Variants in PTPRM observed in about 807,000 individuals in gnomAD.
The protein encoded by PTPRM is protein tyrosine phosphatase receptor type M, also known as receptor-type tyrosine-protein phosphatase mu.
A neutral mutation model predicts 186.7 loss-of-function variants in PTPRM; 47 were observed. The ratio of observed to expected loss-of-function variants is 0.25; its 90% CI spans 0.20 to 0.32. The LOEUF (loss-of-function observed/expected upper bound fraction) is 0.32, where lower values mean the gene tolerates loss of function less well. Among genes scored for constraint, PTPRM ranks in the 10% least tolerant of loss-of-function variants. The pLI is 1.00. For synonymous variants in PTPRM, 668 were observed against 674.9 expected (o/e 0.99, Z 0.16); for missense variants, 1,494 against 1,865.0 (o/e 0.80, Z 3.66).
intron 1 of PTPRM, among the ~76,000 whole-genome samples, chr18:7,666,583 C>G (rs886360676): frequency 1.6e-4 from 24 of 152,312 alleles, no homozygotes; most frequent in African/African-American, 5.8e-4. Context: ...AATTCCACCT[C>G]CAACAGTTCT....
intron 22 of PTPRM, among the ~76,000 whole-genome samples, chr18:8,325,441 G>A (rs1041509824): frequency 2.6e-5 from 4 of 152,088 alleles, no homozygotes; most frequent in Admixed American, 2.0e-4. Flanking sequence ...CCTGCGATTG[G>A]TCAGTTAGGA....
At chr18:8,358,137 C>A (rs911650502) in intron 23 of PTPRM, among the ~76,000 whole-genome samples, 48 of 150,816 alleles carry the variant, frequency 3.2e-4, no homozygotes, top group Non-Finnish European at 6.3e-4. Context: ...CTATTCCCCC[C>A]CCCACACACA....
rs3744985 is a variant in PTPRM, at chr18:8,351,847, A to G, written c.3054+8327A>G. 4.1e-4 allele frequency among the ~76,000 whole-genome samples: 63 copies of G among 152,336 alleles called. 2 individuals carry two copies. The East Asian group carries it at 0.011, about 28-fold the overall frequency. Reference sequence around the variant, plus strand: ...CACTAACGAATACTGAGCTATCAGCAGCAGGAGAAAGGCCTTCTACAGACT... The same window carrying G: ...CACTAACGAATACTGAGCTATCAGCGGCAGGAGAAAGGCCTTCTACAGACT... On this transcript the variant is annotated intron_variant, in intron 23 of 32. Transcript: ENST00000580170.
intron 1 of PTPRM, among the ~76,000 whole-genome samples, chr18:7,765,821 A>G (rs2144815375): frequency 6.6e-6 from 1 of 152,302 alleles, no homozygotes; most frequent in African/African-American, 2.4e-5. Flanking sequence ...GTCATTCTGT[A>G]TTTGGAACAA....
chr18:8,037,585 A>G (rs543244135), intron 7 of PTPRM, among the ~76,000 whole-genome samples: 213 of 152,304 alleles, frequency 1.4e-3, no homozygotes, highest in African/African-American at 4.8e-3. Flanking sequence ...TATGAATAAA[A>G]CAGTCTGAAT....
At chr18:8,185,893 G>A (rs1026305764) in intron 14 of PTPRM, among the ~76,000 whole-genome samples, 3 of 152,108 alleles carry the variant, frequency 2.0e-5, no homozygotes, top group Non-Finnish European at 4.4e-5. Flanking sequence ...TCCCAATGTT[G>A]CCCCTTACCT....
intron 2 of PTPRM, among the ~76,000 whole-genome samples, chr18:7,781,888 A>T (rs2042873598): frequency 6.6e-6 from 1 of 152,114 alleles, no homozygotes; most frequent in African/African-American, 2.4e-5. Context: ...TGAATATCTC[A>T]TTCAGTTGTC....
chr18:7,932,743 A>G (rs896256927), intron 5 of PTPRM, among the ~76,000 whole-genome samples: 1 of 152,146 alleles, frequency 6.6e-6, no homozygotes, highest in Non-Finnish European at 1.5e-5. Context: ...CTGTTTTGCA[A>G]GCAGAGTTTG....
At chr18:8,207,162 C>T (rs7233623) in intron 14 of PTPRM, among the ~76,000 whole-genome samples, 1 of 151,818 alleles carries the variant, frequency 6.6e-6, no homozygotes, top group African/African-American at 2.4e-5. Context: ...CCAAGTGGGA[C>T]AGCCGAGGTC....
chr18:7,983,206 T>C (rs1415085307), intron 7 of PTPRM, among the ~76,000 whole-genome samples: 1 of 152,006 alleles, frequency 6.6e-6, no homozygotes, highest in Non-Finnish European at 1.5e-5. Context: ...CCACCTCCTG[T>C]CAGATCAGCA....
At chr18:7,658,622 C>A (rs985773022) in intron 1 of PTPRM, among the ~76,000 whole-genome samples, 2 of 151,990 alleles carry the variant, frequency 1.3e-5, no homozygotes, top group Non-Finnish European at 2.9e-5. Flanking sequence ...GGCTCTGAAG[C>A]CTAACATAAC....
At chr18:8,102,838 G>A (rs2145565622) in intron 11 of PTPRM, among the ~76,000 whole-genome samples, 1 of 152,292 alleles carries the variant, frequency 6.6e-6, no homozygotes, top group East Asian at 1.9e-4. Flanking sequence ...ATATATGGCA[G>A]CTATAGCATC....
chr18:7,965,597 T>G (rs1203246422), intron 7 of PTPRM, among the ~76,000 whole-genome samples: 1 of 152,190 alleles, frequency 6.6e-6, no homozygotes, highest in Non-Finnish European at 1.5e-5. Flanking sequence ...TTACCTTGCA[T>G]CCAGTGTCGC....
intron 7 of PTPRM, among the ~76,000 whole-genome samples, chr18:7,984,080 TCTC>T (rs2082701607): frequency 6.6e-6 from 1 of 152,158 alleles, no homozygotes; most frequent in Non-Finnish European, 1.5e-5. Context: ...TACATAATAG[TCTC>T]CAAATAAGGT....
intron 11 of PTPRM, among the ~76,000 whole-genome samples, chr18:8,107,531 C>T (rs182772119): frequency 3.9e-4 from 60 of 152,148 alleles, no homozygotes; most frequent in Non-Finnish European, 6.8e-4. Flanking sequence ...GGTATTGAAC[C>T]GAGTATGGGA....
At chr18:7,961,146 C>T (rs2053654256) in intron 7 of PTPRM, among the ~76,000 whole-genome samples, 1 of 152,148 alleles carries the variant, frequency 6.6e-6, no homozygotes, top group African/African-American at 2.4e-5. Flanking sequence ...AATCCAGTTA[C>T]ACTCTTTGTT....
At chr18:8,405,966 G>T in intron 32 of PTPRM, 143 bp from the exon 33 acceptor site, 1 of 776,466 alleles carries the variant, frequency 1.3e-6, no homozygotes. Flanking sequence ...CTGGAGTTCA[G>T]AACCGTGACT....
At chr18:8,028,100 T>G (rs1325329912) in intron 7 of PTPRM, among the ~76,000 whole-genome samples, 1 of 152,122 alleles carries the variant, frequency 6.6e-6, no homozygotes, top group Non-Finnish European at 1.5e-5. Flanking sequence ...CCTCCCGAGC[T>G]CAAGCCATTC....
intron 29 of PTPRM, among the ~76,000 whole-genome samples, chr18:8,381,055 G>A (rs1282973766): frequency 6.6e-6 from 1 of 152,196 alleles, no homozygotes; most frequent in Non-Finnish European, 1.5e-5. Context: ...GATAAGAGAA[G>A]TTTGGAATGA....
Sources: allele counts gnomAD v4.1 joint callset (sites outside exome capture counted in the v4.1 genomes callset), GRCh38; gene constraint gnomAD v4.1.1; transcripts MANE v1.5; gene names NCBI Gene and HGNC (gene_info 2026-07-23, HGNC 2026-07-21).